Variants in TRPM3 observed in about 807,000 individuals in gnomAD.
TRPM3 encodes the protein transient receptor potential cation channel subfamily M member 3.
TRPM3 carries 77 observed loss-of-function variants against 181.2 expected under a neutral mutation model. That is an observed-to-expected ratio of 0.42 (90% CI 0.35 to 0.51). The LOEUF (loss-of-function observed/expected upper bound fraction) is 0.51, where lower values mean the gene tolerates loss of function less well. Ranked by LOEUF, TRPM3 falls within the 20% of genes least tolerant of loss-of-function variation. The pLI is 0.01. For missense variants in TRPM3, 1,759 were observed against 2,196.7 expected (o/e 0.80, Z 3.98); for synonymous variants, 745 against 796.4 (o/e 0.94, Z 1.09).
In TRPM3 at chr9:70,843,115, T is replaced by A; in HGVS notation, c.689A>T (p.His230Leu). 6.3e-7 allele frequency: 1 copy of A among 1,579,842 alleles called. No homozygotes were observed. Among genetic ancestry groups the A allele is most frequent in the Non-Finnish European group, 8.6e-7 (1 of 1,168,768 alleles). ...TGGVNTGVIR[H>L]VGDALKDHAS... is the part of the protein sequence containing the mutation. Reference sequence around the variant, plus strand: ...ATGATCCTTCAAGGCATCGCCAACATGACGAATAACACCTAAAAAAAAAAG... The same window carrying A: ...ATGATCCTTCAAGGCATCGCCAACAAGACGAATAACACCTAAAAAAAAAAG... The change falls in exon 5 of 26, where the codon CAT (histidine) becomes CTT (leucine). Residue 230 changes from histidine to leucine, a missense_variant. This residue lies in a region of TRPM3 where 737 missense variants were observed against 957.4 expected (regional missense o/e 0.77). Transcript: ENST00000677713.
intron 1 of TRPM3, among the ~76,000 whole-genome samples, chr9:71,296,500 A>G (rs529330168): frequency 1.3e-5 from 2 of 152,298 alleles, no homozygotes; most frequent in African/African-American, 4.8e-5. Context: ...ATGAACATAA[A>G]TGCAAAACAG....
chr9:71,306,122 A>C (rs1310885226), intron 1 of TRPM3, among the ~76,000 whole-genome samples: 1 of 152,168 alleles, frequency 6.6e-6, no homozygotes, highest in Non-Finnish European at 1.5e-5. Flanking sequence ...TCAAGCAGAA[A>C]TGTAGAGAGC....
intron 1 of TRPM3, among the ~76,000 whole-genome samples, chr9:71,268,622 C>CA (rs2083553704): frequency 6.6e-6 from 1 of 151,898 alleles, no homozygotes; most frequent in Admixed American, 6.6e-5. Context: ...GTCAGGAGTT[C>CA]AAGACCAGCC....
chr9:70,752,247 T>C (rs1286917532), intron 8 of TRPM3, among the ~76,000 whole-genome samples: 1 of 152,014 alleles, frequency 6.6e-6, no homozygotes, highest in African/African-American at 2.4e-5. Flanking sequence ...ACTAGACAAG[T>C]AGGGAAGCCA....
chr9:70,994,275 C>T (rs1190038002), intron 1 of TRPM3, among the ~76,000 whole-genome samples: 1 of 152,040 alleles, frequency 6.6e-6, no homozygotes, highest in Non-Finnish European at 1.5e-5. Flanking sequence ...ATAAAAAATG[C>T]CCAAAATATG....
chr9:70,578,252 C>T (rs893960198), intron 22 of TRPM3, among the ~76,000 whole-genome samples: 3 of 144,284 alleles, frequency 2.1e-5, no homozygotes, highest in African/African-American at 7.7e-5. Context: ...TGTCTGAGAT[C>T]ACTCAGACCA....
intron 1 of TRPM3, among the ~76,000 whole-genome samples, chr9:71,378,287 T>C (rs879419179): frequency 5.3e-5 from 8 of 152,034 alleles, no homozygotes; most frequent in African/African-American, 1.2e-4. Context: ...AAATGCCAAA[T>C]TGGAAAAGAC....
intron 1 of TRPM3, among the ~76,000 whole-genome samples, chr9:71,436,511 G>A (rs1225667885): frequency 6.6e-6 from 1 of 151,608 alleles, no homozygotes; most frequent in African/African-American, 2.4e-5. Flanking sequence ...CACCATGTTG[G>A]CCAGGATGGT....
At chr9:71,026,661 G>A (rs2056557366) in intron 1 of TRPM3, among the ~76,000 whole-genome samples, 1 of 152,054 alleles carries the variant, frequency 6.6e-6, no homozygotes, top group Non-Finnish European at 1.5e-5. Context: ...TGGGCTCGAA[G>A]CCCACCAGCC....
intron 21 of TRPM3, 63 bp downstream of exon 21, chr9:70,598,356 C>T: frequency 1.3e-6 from 2 of 1,575,694 alleles, no homozygotes; most frequent in East Asian, 2.3e-5. Flanking sequence ...TTATTTCCCT[C>T]TATCTATTAT....
Position 70,842,917 on chromosome 9 carries a change from T to C in TRPM3, c.801+86A>G, listed in dbSNP as rs919372519. 8.7e-6 allele frequency: 12 copies of C among 1,373,226 alleles called. No individual in the cohort carries two copies. The African/African-American group carries it at 1.3e-4, about 15-fold the overall frequency. The allele number at this position is 1,373,226 out of a possible 1,614,324, so 85.1% of individuals were successfully genotyped here. The stretch of plus-strand genomic sequence containing the variant: ...TAGAGACCCAAAGAATACTATAATG[T>C]GCACATTTTGAATACTAATTTTATT... On this transcript the variant is annotated intron_variant, in intron 5 of 25. Transcript: ENST00000677713.
intron 1 of TRPM3, among the ~76,000 whole-genome samples, chr9:71,138,895 A>C (rs921946109): frequency 6.6e-6 from 1 of 152,140 alleles, no homozygotes. Flanking sequence ...TTCCACTTAC[A>C]AACATGAACA....
Position 70,811,269 on chromosome 9 carries a change from A to G in TRPM3, c.973+16578T>C, listed in dbSNP as rs1417987908. 3 of 1,574,570 alleles carry G rather than the reference A, an allele frequency of 1.9e-6. No homozygotes were observed. In the African/African-American group the frequency reaches 4.1e-5, roughly 21 times the overall value. On this transcript the variant is annotated intron_variant, in intron 6 of 25. Transcript: ENST00000677713. ...CCTGTCAAAAAATAAAATCTTTGAA[A>G]TTTCTACACCCTGTGGTTGCATACA... is the stretch of plus-strand genomic sequence containing the variant.
At chr9:71,439,741 T>C (rs1346724940) in intron 1 of TRPM3, among the ~76,000 whole-genome samples, 1 of 152,196 alleles carries the variant, frequency 6.6e-6, no homozygotes, top group African/African-American at 2.4e-5. Context: ...CTCTAATGTG[T>C]ATTATGATTA....
chr9:71,110,375 T>C (rs183969292), intron 1 of TRPM3, among the ~76,000 whole-genome samples: 2 of 152,312 alleles, frequency 1.3e-5, no homozygotes, highest in Admixed American at 6.5e-5. Context: ...TTCTATGACA[T>C]TCGACAATTA....
At chr9:70,918,259 T>A (rs2096621275) in intron 1 of TRPM3, among the ~76,000 whole-genome samples, 1 of 152,192 alleles carries the variant, frequency 6.6e-6, no homozygotes, top group African/African-American at 2.4e-5. Context: ...AGTTCTGCAC[T>A]ATAGACCAAA....
rs1241159556 is a variant in TRPM3, at chr9:70,532,252, AG to A, written c.*3700del. ...CTCAGAAAGTAAAAAAGTACTATCC[AG>A]TTATCTACCATAATATTATCTATAG... On this transcript the variant is annotated 3_prime_UTR_variant, in exon 26 of 26. Transcript: ENST00000677713. The A allele has an allele frequency of 9.2e-5, 14 of 152,342 alleles. No individual in the cohort carries two copies. The highest frequency in any genetic ancestry group is 3.4e-4 in the African/African-American group (14 of 41,574). 9.4% of individuals were successfully genotyped at this position (152,342 alleles called of 1,614,324 possible).
chr9:70,649,087 T>A (rs2059284427), intron 9 of TRPM3, among the ~76,000 whole-genome samples: 1 of 152,008 alleles, frequency 6.6e-6, no homozygotes, highest in Admixed American at 6.6e-5. Context: ...ATTTGCAAAT[T>A]ATACATCCAA....
chr9:70,938,825 G>T (rs371540100), intron 1 of TRPM3, among the ~76,000 whole-genome samples: 36 of 152,092 alleles, frequency 2.4e-4, no homozygotes, highest in East Asian at 2.1e-3. Flanking sequence ...GGGCATGGTG[G>T]CGGGCGCCTG....
Sources: gnomAD v4.1 joint callset for allele counts (sites outside exome capture counted in the v4.1 genomes callset) on GRCh38, gnomAD v4.1.1 for gene constraint, gnomAD v4.1.1 regional missense constraint, MANE v1.5 for transcripts, NCBI Gene and HGNC (gene_info 2026-07-23, HGNC 2026-07-21) for gene names.